Variants in RAP1GAP2 observed in about 807,000 individuals in gnomAD.
RAP1GAP2 encodes the protein RAP1 GTPase activating protein 2.
RAP1GAP2 carries 27 observed loss-of-function variants against 95.0 expected under a neutral mutation model. The ratio of observed to expected loss-of-function variants is 0.28; its 90% CI spans 0.21 to 0.39. The LOEUF is 0.39. Ranked by LOEUF, RAP1GAP2 falls within the 10% of genes least tolerant of loss-of-function variation. The pLI, the probability that RAP1GAP2 is intolerant of heterozygous loss-of-function variation, is 1.00. For synonymous variants in RAP1GAP2, 373 were observed against 380.9 expected, an observed-to-expected ratio of 0.98 and a Z score of 0.24; for missense variants, 771 against 970.0, an observed-to-expected ratio of 0.79 and a Z score of 2.72.
In RAP1GAP2 at chr17:2,797,461, C is replaced by T. The variant is rs193259758; in HGVS notation, c.44+890C>T. ...TTCCTTTCAGTGCCTGGGCTGGGGG[C>T]GTTGTCAGACTGGGAGAGGGCCCCG... On this transcript the variant is annotated intron_variant, in intron 1 of 24. Transcript: ENST00000254695. The surrounding 1 kb of genome is among the most constrained non-coding windows in gnomAD (Gnocchi z 5.6). Among the ~76,000 whole-genome samples, 28 of 151,162 alleles carry T rather than the reference C, an allele frequency of 1.9e-4. No individual in the cohort carries two copies. The highest frequency in any genetic ancestry group is 5.9e-4 in the African/African-American group (24 of 41,020).
intron 4 of RAP1GAP2, among the ~76,000 whole-genome samples, chr17:2,959,049 A>G (rs1021246792): frequency 3.3e-5 from 5 of 152,134 alleles, no homozygotes; most frequent in African/African-American, 4.8e-5. Context: ...TATATAATCA[A>G]GTGCTCCATT....
intron 2 of RAP1GAP2, among the ~76,000 whole-genome samples, chr17:2,839,955 C>T (rs913111513): frequency 2.0e-5 from 3 of 151,478 alleles, no homozygotes; most frequent in African/African-American, 4.9e-5. Flanking sequence ...TGCGCCACCA[C>T]GCCCAGCTAT....
At chr17:2,964,952 T>G (rs1250195008) in intron 7 of RAP1GAP2, 1 of 152,916 alleles carries the variant, frequency 6.5e-6, no homozygotes, top group African/African-American at 2.4e-5. Context: ...GCATGCAGAT[T>G]CCAGGGCCTC....
chr17:2,861,507 G>A (rs2072388402), intron 2 of RAP1GAP2, among the ~76,000 whole-genome samples: 1 of 143,752 alleles, frequency 7.0e-6, no homozygotes, highest in Non-Finnish European at 1.5e-5. Flanking sequence ...ACAGAGTCTC[G>A]CCCAGGCTGG....
chr17:2,817,075 C>A (rs1437340780), intron 2 of RAP1GAP2, among the ~76,000 whole-genome samples: 1 of 106,884 alleles, frequency 9.4e-6, no homozygotes, highest in African/African-American at 3.1e-5. Flanking sequence ...GCAGCCTCCA[C>A]TTCCCAGGCT....
Position 3,008,233 on chromosome 17 carries a change from C to T in RAP1GAP2, c.1494+88C>T, listed in dbSNP as rs1209674503. On this transcript the variant is annotated intron_variant, in intron 17 of 24. Coordinates refer to ENST00000254695, the MANE Select transcript of RAP1GAP2 (RefSeq NM_015085.5). The surrounding 1 kb of genome is among the most constrained non-coding windows in gnomAD (Gnocchi z 4.2). ...TCCAAGGTCCATGGGATACTGATCC[C>T]AGAGCCCAAGGGCCAGCTGGAGGGG... is the stretch of plus-strand genomic sequence containing the variant. 1.9e-6 allele frequency: 3 copies of T among 1,566,440 alleles called. No individual in the cohort carries two copies. The highest frequency in any genetic ancestry group is 2.6e-6 in the Non-Finnish European group (3 of 1,151,390).
chr17:2,885,109 C>T (rs1159366095), intron 2 of RAP1GAP2, among the ~76,000 whole-genome samples: 1 of 148,782 alleles, frequency 6.7e-6, no homozygotes, highest in Non-Finnish European at 1.5e-5. Flanking sequence ...TCTCGGCTCA[C>T]TGCAAGCTCC....
At chr17:2,905,800 A>T (rs28707044) in intron 3 of RAP1GAP2, among the ~76,000 whole-genome samples, 4 of 151,970 alleles carry the variant, frequency 2.6e-5, no homozygotes, top group African/African-American at 9.7e-5. Context: ...GGCAGTCCCC[A>T]TGGAAGGGTT....
intron 1 of RAP1GAP2, among the ~76,000 whole-genome samples, chr17:2,768,537 C>CT (rs1407737947): frequency 6.6e-6 from 1 of 151,754 alleles, no homozygotes; most frequent in Non-Finnish European, 1.5e-5. Flanking sequence ...ACTAAAAATA[C>CT]AAAAATTAGC....
intron 2 of RAP1GAP2, among the ~76,000 whole-genome samples, chr17:2,831,233 CG>C (rs1555549526): frequency 2.0e-5 from 3 of 148,084 alleles, no homozygotes; most frequent in Non-Finnish European, 1.5e-5. Flanking sequence ...CCTGCCACCA[CG>C]CCCAGCTACT....
Position 3,004,621 on chromosome 17 carries a change from C to CT in RAP1GAP2, c.1201-747dup, listed in dbSNP as rs1387529912. On this transcript the variant is annotated intron_variant, in intron 14 of 24. Coordinates refer to ENST00000254695, the MANE Select transcript of RAP1GAP2 (RefSeq NM_015085.5). This position sits in a 1 kb window ranked among gnomAD's most constrained non-coding sequence, Gnocchi z 4.1. ...TGCAGCGAACCTCGAGGCCGTCACT[C>CT]TAAAGCTCAGTCTCACTCAGGGTGC... is the stretch of plus-strand genomic sequence containing the variant. Among the ~76,000 whole-genome samples the CT allele has an allele frequency of 6.6e-6, 1 of 152,264 alleles. No homozygotes were observed. Among genetic ancestry groups the CT allele is most frequent in the East Asian group, 1.9e-4 (1 of 5,198 alleles).
At chr17:2,862,459 G>C (rs888444432) in intron 2 of RAP1GAP2, among the ~76,000 whole-genome samples, 2 of 152,064 alleles carry the variant, frequency 1.3e-5, no homozygotes, top group Non-Finnish European at 2.9e-5. Flanking sequence ...CTGTTCAGAC[G>C]GGGGCTGCTG....
chr17:2,941,351 T>C (rs1445830363), intron 3 of RAP1GAP2, among the ~76,000 whole-genome samples: 1 of 151,976 alleles, frequency 6.6e-6, no homozygotes, highest in Non-Finnish European at 1.5e-5. Flanking sequence ...GAGGTTGTGG[T>C]GAGCTGAGAT....
chr17:2,909,193 G>T (rs997354261), intron 3 of RAP1GAP2, among the ~76,000 whole-genome samples: 1 of 152,116 alleles, frequency 6.6e-6, no homozygotes, highest in African/African-American at 2.4e-5. Context: ...GTGGTGCTGG[G>T]GTCTCTGCAG....
intron 5 of RAP1GAP2, 150 bp downstream of exon 5, chr17:2,962,864 G>C: frequency 1.4e-6 from 1 of 721,510 alleles, no homozygotes; most frequent in Non-Finnish European, 2.2e-6. Flanking sequence ...CGACTGCCTT[G>C]TTAGACCAGT....
chr17:2,864,823 C>G (rs1327487392), intron 2 of RAP1GAP2, among the ~76,000 whole-genome samples: 1 of 152,172 alleles, frequency 6.6e-6, no homozygotes, highest in Admixed American at 6.5e-5. Flanking sequence ...CCCTCCCCCT[C>G]CTGAATTACC....
intron 2 of RAP1GAP2, among the ~76,000 whole-genome samples, chr17:2,843,936 G>A (rs1042430856): frequency 5.3e-5 from 8 of 152,140 alleles, no homozygotes; most frequent in South Asian, 2.1e-4. Context: ...GGTTGGGGGC[G>A]GGGGTGGAGG....
At chr17:2,755,737 C>T (rs1471531890) in exon 1 of RAP1GAP2, 2 of 346,314 alleles carry the variant, frequency 5.8e-6, no homozygotes, top group Non-Finnish European at 1.0e-5. Flanking sequence ...CGCCGGGCGC[C>T]GGGGGAGAAG....
intron 2 of RAP1GAP2, among the ~76,000 whole-genome samples, chr17:2,890,748 A>C (rs529197938): frequency 6.7e-6 from 1 of 150,070 alleles, no homozygotes; most frequent in South Asian, 2.1e-4. Flanking sequence ...GCAGTGGCGC[A>C]ATCTTGGCTC....
Sources: allele counts gnomAD v4.1 joint callset (sites outside exome capture counted in the v4.1 genomes callset), GRCh38; gene constraint gnomAD v4.1.1; non-coding constraint Gnocchi (gnomAD v3.1); transcripts MANE v1.5; gene names NCBI Gene and HGNC (gene_info 2026-07-23, HGNC 2026-07-21).